Variants in MCF2L observed in about 807,000 individuals in gnomAD.
The protein encoded by MCF2L is MCF.2 cell line derived transforming sequence like, also known as guanine nucleotide exchange factor DBS.
Under a neutral mutation model 153.4 loss-of-function variants are expected in MCF2L, and 97 were observed. The ratio of observed to expected loss-of-function variants is 0.63; its 90% CI spans 0.54 to 0.75. The LOEUF is 0.75. MCF2L is among the 30% of genes least tolerant of loss of function. The pLI, the probability that MCF2L is intolerant of heterozygous loss-of-function variation, is 0.00. For missense variants in MCF2L, 1,347 were observed against 1,495.2 expected (o/e 0.90, Z 1.64); for synonymous variants, 659 against 632.2 (o/e 1.04, Z -0.64).
intron 25 of MCF2L, among the ~76,000 whole-genome samples, chr13:113,089,140 C>A (rs1272888759): frequency 6.7e-6 from 1 of 150,018 alleles, no homozygotes; most frequent in Non-Finnish European, 1.5e-5. Context: ...ATCCGTAGAA[C>A]AGTAGTTTTA....
At chr13:113,066,920 G>A (rs1251169688) in intron 8 of MCF2L, among the ~76,000 whole-genome samples, 1 of 152,252 alleles carries the variant, frequency 6.6e-6, no homozygotes, top group Non-Finnish European at 1.5e-5. Context: ...CTCCCACGCA[G>A]CGTGGCCCAC....
intron 1 of MCF2L, among the ~76,000 whole-genome samples, chr13:112,981,931 G>C (rs949451694): frequency 6.6e-6 from 1 of 152,248 alleles, no homozygotes; most frequent in African/African-American, 2.4e-5. Context: ...CGATTGGAAG[G>C]TGGAGGAGTC....
chr13:112,951,079 T>C lies in MCF2L; in HGVS notation c.169+48708T>C, dbSNP rs939701670. Among the ~76,000 whole-genome samples the C allele has an allele frequency of 1.3e-5, 2 of 152,140 alleles. No homozygotes were observed. The highest frequency in any genetic ancestry group is 2.9e-5 in the Non-Finnish European group (2 of 68,026). On this transcript the variant is annotated intron_variant, in intron 2 of 29. Coordinates refer to the MCF2L transcript ENST00000375608. The surrounding 1 kb of genome is among the most constrained non-coding windows in gnomAD (Gnocchi z 4.8). Reference sequence around the variant, plus strand: ...AGACATAGAGACATTCCACCAAAGATGCCACAGTGAGGGCAGAAGAGCACA... The same window carrying C: ...AGACATAGAGACATTCCACCAAAGACGCCACAGTGAGGGCAGAAGAGCACA...
intron 1 of MCF2L, among the ~76,000 whole-genome samples, chr13:112,998,637 G>A (rs1366268121): frequency 6.6e-6 from 1 of 152,190 alleles, no homozygotes; most frequent in Non-Finnish European, 1.5e-5. Flanking sequence ...GTCTGGCATC[G>A]ACTTGGCCTG....
In MCF2L at chr13:113,045,377, G is replaced by A; in HGVS notation, c.369+16G>A. 6.2e-7 allele frequency: 1 copy of A among 1,610,040 alleles called. No individual in the cohort carries two copies. Among genetic ancestry groups the A allele is most frequent in the African/African-American group, 1.3e-5 (1 of 74,980 alleles). On this transcript the variant is annotated intron_variant, in intron 4 of 29. Transcript: ENST00000535094. The surrounding 1 kb of genome is among the most constrained non-coding windows in gnomAD (Gnocchi z 4.2). ...GCGCATCGCAGTAAGTGCCACCCGG[G>A]GCTCTGCCCTGCGCCCGGCCCCTCC... is the stretch of plus-strand genomic sequence containing the variant.
intron 4 of MCF2L, among the ~76,000 whole-genome samples, chr13:113,050,348 A>C (rs2141597732): frequency 6.6e-6 from 1 of 151,812 alleles, no homozygotes; most frequent in East Asian, 2.0e-4. Context: ...AATTTGTAAT[A>C]GAGTATATAT....
intron 2 of MCF2L, among the ~76,000 whole-genome samples, chr13:112,919,055 C>T (rs1457196212): frequency 6.6e-6 from 1 of 152,186 alleles, no homozygotes; most frequent in Admixed American, 6.5e-5. Flanking sequence ...GCCTCTCTTA[C>T]TATTCCTTCA....
At chr13:112,895,086 C>T (rs61961616) in intron 1 of MCF2L, among the ~76,000 whole-genome samples, 292 of 152,306 alleles carry the variant, frequency 1.9e-3, no homozygotes, top group Admixed American at 5.5e-3. Context: ...GGGCGGACTC[C>T]TCCTGGGAGC....
At position 113,045,714 on chromosome 13, in the gene MCF2L, G is replaced by C; in HGVS notation, c.369+353G>C. The C allele has an allele frequency of 3.5e-6, 1 of 289,448 alleles. No individual in the cohort carries two copies. Among genetic ancestry groups the C allele is most frequent in the Non-Finnish European group, 6.7e-6 (1 of 149,164 alleles). The allele number at this position is 289,448 out of a possible 1,614,324, so 17.9% of individuals were successfully genotyped here. A position where few individuals can be genotyped will look rare whatever the true frequency, so the allele number is the denominator to read the frequency against. ...TTAGTGATTTTCTCCTTTCCAAATC[G>C]GGCCATCTATCTTTAGCTGTGACAC... On this transcript the variant is annotated intron_variant, in intron 4 of 29. Coordinates refer to ENST00000535094, the MANE Select transcript of MCF2L (RefSeq NM_001112732.3). This position sits in a 1 kb window ranked among gnomAD's most constrained non-coding sequence, Gnocchi z 4.2.
In MCF2L at chr13:113,085,186, C is replaced by G; in HGVS notation, c.2247+8C>G. On this transcript the variant is annotated splice_region_variant and intron_variant, in intron 20 of 29. Transcript: ENST00000535094. ...TACCAGCTGCTGCTCAAGGTGGGCT[C>G]CGCGGTGACCGTGGCCCGGCCTCCC... is the stretch of plus-strand genomic sequence containing the variant. 1 of 1,612,292 alleles carries G rather than the reference C, an allele frequency of 6.2e-7. No individual in the cohort carries two copies. The highest frequency in any genetic ancestry group is 8.5e-7 in the Non-Finnish European group (1 of 1,179,456).
At chr13:113,003,312 G>T (rs1035412755) in intron 1 of MCF2L, among the ~76,000 whole-genome samples, 1 of 150,550 alleles carries the variant, frequency 6.6e-6, no homozygotes, top group East Asian at 2.0e-4. Flanking sequence ...GGGGCAGGTG[G>T]CCCCCTGGGT....
At chr13:112,976,473 C>T (rs2082217865) in intron 1 of MCF2L, among the ~76,000 whole-genome samples, 1 of 152,210 alleles carries the variant, frequency 6.6e-6, no homozygotes, top group Admixed American at 6.5e-5. Context: ...AGCATTCCAG[C>T]TGGAGCACCT....
chr13:113,075,920 C>T, intron 11 of MCF2L, 46 bp from the exon 12 acceptor site: 1 of 1,484,856 alleles, frequency 6.7e-7, no homozygotes, highest in East Asian at 2.3e-5. Context: ...GTGACGCTCT[C>T]ACCCTCTCAC....
chr13:113,024,197 A>G (rs1484405835), intron 2 of MCF2L, among the ~76,000 whole-genome samples: 1 of 152,218 alleles, frequency 6.6e-6, no homozygotes, highest in East Asian at 1.9e-4. Flanking sequence ...CAAACAGTAC[A>G]GTTAGGCAGG....
chr13:112,940,750 G>A (rs2081567637), intron 2 of MCF2L, among the ~76,000 whole-genome samples: 1 of 152,166 alleles, frequency 6.6e-6, no homozygotes, highest in African/African-American at 2.4e-5. Context: ...ATGGCATAAT[G>A]TATTCACTGT....
rs777451439 is a variant in MCF2L at position 113,044,635 on chromosome 13, A to G, written c.279-636A>G. ...GAGCCCACGGAAGAGGGCTCTCCGCACCGACTCTGTGACTCAGGCTTCTAC... is the reference window on the plus strand; with the variant it reads ...GAGCCCACGGAAGAGGGCTCTCCGCGCCGACTCTGTGACTCAGGCTTCTAC... On this transcript the variant is annotated intron_variant, in intron 3 of 29. Coordinates refer to ENST00000535094, the MANE Select transcript of MCF2L (RefSeq NM_001112732.3). 2.5e-6 allele frequency: 4 copies of G among 1,605,454 alleles called. No individual in the cohort carries two copies. In the South Asian group the frequency reaches 3.4e-5, roughly 13 times the overall value.
intron 2 of MCF2L, among the ~76,000 whole-genome samples, chr13:112,953,538 G>A (rs993690372): frequency 1.3e-5 from 2 of 152,222 alleles, no homozygotes; most frequent in Non-Finnish European, 2.9e-5. Flanking sequence ...TCTGTTCCAC[G>A]TAATTTACCT....
intron 1 of MCF2L, chr13:113,002,028 T>TG: frequency 6.6e-7 from 1 of 1,508,634 alleles, no homozygotes; most frequent in Non-Finnish European, 8.8e-7. Flanking sequence ...GAAGGTGTTG[T>TG]GGGGCGACAG....
Position 113,076,139 on chromosome 13 carries a change from C to A in MCF2L, c.1482C>A (p.Ile494=). 6.2e-7 allele frequency: 1 copy of A among 1,613,236 alleles called. No homozygotes were observed. The highest frequency in any genetic ancestry group is 1.6e-4 in the Middle Eastern group (1 of 6,062). The change falls in exon 12 of 30, where the codon ATC becomes ATA. Residue 494 remains isoleucine (I), a synonymous_variant. Coordinates refer to ENST00000535094, the MANE Select transcript of MCF2L (RefSeq NM_001112732.3). ...CGATTTACAAGGAATACGAATCCAT[C>A]CTCAACCAAGATCTCATGGTAACGC... ...LNAIYKEYES[I]LNQDLMEHVR... is the part of the protein sequence containing the mutation.
Sources: gnomAD v4.1 joint callset for allele counts (sites outside exome capture counted in the v4.1 genomes callset) on GRCh38, gnomAD v4.1.1 for gene constraint, Gnocchi (gnomAD v3.1) non-coding constraint, MANE v1.5 for transcripts, NCBI Gene and HGNC (gene_info 2026-07-23, HGNC 2026-07-21) for gene names.